Variants in PIKFYVE observed in about 807,000 individuals in gnomAD.
The protein encoded by PIKFYVE is 1-phosphatidylinositol 3-phosphate 5-kinase.
Under a neutral mutation model 257.9 loss-of-function variants are expected in PIKFYVE, and 122 were observed. The ratio of observed to expected loss-of-function variants is 0.47; its 90% CI spans 0.41 to 0.55. PIKFYVE has a LOEUF of 0.55. PIKFYVE is among the 20% of genes least tolerant of loss of function. The probability of loss-of-function intolerance (pLI) is 0.00; values close to 1 mark genes in which losing one functional copy is unlikely to be tolerated. For missense variants in PIKFYVE, 2,160 were observed against 2,536.6 expected (o/e 0.85, Z 3.19); for synonymous variants, 892 against 868.9 (o/e 1.03, Z -0.47).
At chr2:208,283,705 C>T (rs1691147855) in intron 5 of PIKFYVE, among the ~76,000 whole-genome samples, 1 of 152,136 alleles carries the variant, frequency 6.6e-6, no homozygotes, top group Non-Finnish European at 1.5e-5. Flanking sequence ...CTCTCCGCCT[C>T]CCAAGTAGCT....
intron 38 of PIKFYVE, among the ~76,000 whole-genome samples, 175 bp from the exon 39 acceptor site, chr2:208,352,479 T>C (rs551940371): frequency 6.6e-6 from 1 of 152,254 alleles, no homozygotes; most frequent in African/African-American, 2.4e-5. Context: ...AATATTTTTA[T>C]TGGCATTGCT....
At chr2:208,329,809 T>G (rs1264349745) in intron 21 of PIKFYVE, 33 bp from the exon 22 acceptor site, 1 of 1,607,798 alleles carries the variant, frequency 6.2e-7, no homozygotes, top group African/African-American at 1.3e-5. Context: ...GCATGGTAAT[T>G]CTTATGTTTC....
chr2:208,328,152 G>A, intron 20 of PIKFYVE, 28 bp from the exon 21 acceptor site: 3 of 1,613,020 alleles, frequency 1.9e-6, no homozygotes, highest in South Asian at 2.2e-5. Context: ...GCAGTCACTT[G>A]CTCATCCATT....
At chr2:208,337,824 C>G (rs1698309237) in intron 28 of PIKFYVE, among the ~76,000 whole-genome samples, 2 of 152,050 alleles carry the variant, frequency 1.3e-5, no homozygotes, top group Non-Finnish European at 2.9e-5. Context: ...CGAGTTCAAG[C>G]AATTCTCCTT....
intron 21 of PIKFYVE, among the ~76,000 whole-genome samples, chr2:208,329,144 C>A (rs1697245882): frequency 6.6e-6 from 1 of 152,124 alleles, no homozygotes; most frequent in South Asian, 2.1e-4. Context: ...ATTACATGTT[C>A]ACCTTTAGTT....
intron 13 of PIKFYVE, 52 bp from the exon 14 acceptor site, chr2:208,314,242 G>A: frequency 6.4e-7 from 1 of 1,569,890 alleles, no homozygotes; most frequent in Non-Finnish European, 8.7e-7. Flanking sequence ...ATGAGTAGAT[G>A]GTATAAAACA....
chr2:208,281,830 C>T (rs1690845897), intron 5 of PIKFYVE, among the ~76,000 whole-genome samples: 1 of 152,230 alleles, frequency 6.6e-6, no homozygotes, highest in Non-Finnish European at 1.5e-5. Context: ...AGCAGACAAA[C>T]TTCAAGGTTG....
intron 5 of PIKFYVE, among the ~76,000 whole-genome samples, chr2:208,282,839 C>T (rs79977277): frequency 0.032 from 4,834 of 152,086 alleles, 119 homozygotes; most frequent in Non-Finnish European, 0.046. Context: ...GTGTGGGGGA[C>T]GGGGGATGGT....
chr2:208,289,608 T>A (rs550986307), intron 7 of PIKFYVE, among the ~76,000 whole-genome samples: 80 of 152,234 alleles, frequency 5.3e-4, no homozygotes, highest in African/African-American at 1.9e-3. Context: ...TTTTTTGTAT[T>A]TTTAGTAGAG....
intron 34 of PIKFYVE, among the ~76,000 whole-genome samples, chr2:208,347,032 C>T (rs954331259): frequency 6.6e-6 from 1 of 152,132 alleles, no homozygotes; most frequent in Non-Finnish European, 1.5e-5. Context: ...AGCATTGTCC[C>T]GGTTGGGTTA....
intron 10 of PIKFYVE, among the ~76,000 whole-genome samples, chr2:208,303,342 C>T (rs1368340965): frequency 6.6e-6 from 1 of 151,912 alleles, no homozygotes; most frequent in Non-Finnish European, 1.5e-5. Flanking sequence ...GATACTGACC[C>T]CCTGTATAGT....
rs35442514 is a variant in PIKFYVE, at chr2:208,351,061, G to GT, written c.5611+118dup. On this transcript the variant is annotated intron_variant, in intron 37 of 41. Coordinates refer to ENST00000264380, the MANE Select transcript of PIKFYVE (RefSeq NM_015040.4). ...GAACTTTCATAACTATGACTTACTA[G>GT]TTTTAACAGAGGTGTTTATAAAGTT... 3 of 1,358,144 alleles carry GT rather than the reference G, an allele frequency of 2.2e-6. No homozygotes were observed. In the South Asian group the frequency reaches 3.8e-5, roughly 17 times the overall value. The allele number at this position is 1,358,144 out of a possible 1,614,324, so 84.1% of individuals were successfully genotyped here.
At position 208,355,606 on chromosome 2, in the gene PIKFYVE, G is replaced by T; in HGVS notation, c.*301G>T. 1 of 267,068 alleles carries T rather than the reference G, an allele frequency of 3.7e-6. No individual in the cohort carries two copies. 16.5% of individuals were successfully genotyped at this position (267,068 alleles called of 1,614,324 possible). A position where few individuals can be genotyped will look rare whatever the true frequency, so the allele number is the denominator to read the frequency against. ...AGATGAGTAGATAGGGTGAAAAATG[G>T]GTTAAATTTGCTAGCTTAATTGTTT... On this transcript the variant is annotated 3_prime_UTR_variant, in exon 42 of 42. Transcript: ENST00000264380.
chr2:208,355,939 TCTCTGTGGAAGACAGGAGG>T lies in PIKFYVE; in HGVS notation c.*637_*655del, dbSNP rs983750235. 10 of 152,664 alleles carry T rather than the reference TCTCTGTGGAAGACAGGAGG, an allele frequency of 6.6e-5. No individual in the cohort carries two copies. The highest frequency in any genetic ancestry group is 2.4e-4 in the African/African-American group (10 of 41,456). The allele number at this position is 152,664 out of a possible 1,614,324, so 9.5% of individuals were successfully genotyped here. On this transcript the variant is annotated 3_prime_UTR_variant, in exon 42 of 42. Transcript: ENST00000264380. ...GTTTGATGTTTTTAAAATTTTGTCT[TCTCTGTGGAAGACAGGAGG>T]CTACAGCAATTAACTTTAAGCCTCC...
At chr2:208,335,703 C>G in intron 25 of PIKFYVE, 90 bp from the exon 26 acceptor site, 1 of 1,057,724 alleles carries the variant, frequency 9.5e-7, no homozygotes, top group Non-Finnish European at 1.5e-6. Flanking sequence ...ATTTCAATTA[C>G]ATTTTGCATG....
intron 23 of PIKFYVE, 48 bp from the exon 24 acceptor site, chr2:208,333,267 A>C: frequency 6.4e-7 from 1 of 1,557,642 alleles, no homozygotes; most frequent in Non-Finnish European, 8.8e-7. Context: ...TTTTTGAAAA[A>C]GAGATTCTCA....
chr2:208,298,777 C>T lies in PIKFYVE; in HGVS notation c.1048C>T (p.Leu350=), dbSNP rs1338657088. 2.5e-6 allele frequency: 4 copies of T among 1,613,928 alleles called. No homozygotes were observed. The highest frequency in any genetic ancestry group is 3.3e-4 in the Middle Eastern group (2 of 6,082). ...CACTGAGGATGAACGCAAAATTCTT[C>T]TGGTACTGGTCCAGTATCTTTGACC... ...ETTEDERKIL[L]DSVQLKDLWK... is the part of the protein sequence containing the mutation. The change falls in exon 8 of 42, where the codon CTG becomes TTG. Residue 350 remains leucine (L), a splice_region_variant and synonymous_variant. Transcript: ENST00000264380.
chr2:208,301,358 A>G (rs1226955432), intron 9 of PIKFYVE, among the ~76,000 whole-genome samples: 1 of 152,222 alleles, frequency 6.6e-6, no homozygotes, highest in Admixed American at 6.5e-5. Flanking sequence ...AAGGAGGATT[A>G]GAGAAGGTAG....
At chr2:208,297,061 T>G (rs1406590975) in intron 7 of PIKFYVE, among the ~76,000 whole-genome samples, 1 of 152,202 alleles carries the variant, frequency 6.6e-6, no homozygotes, top group Non-Finnish European at 1.5e-5. Context: ...TAATTTACAG[T>G]CTATCTCCAT....
Sources: gnomAD v4.1 joint callset for allele counts (sites outside exome capture counted in the v4.1 genomes callset) on GRCh38, gnomAD v4.1.1 for gene constraint, MANE v1.5 for transcripts, NCBI Gene and HGNC (gene_info 2026-07-23, HGNC 2026-07-21) for gene names.